The following YEATS4 variants were observed in gnomAD, a reference collection of about 807,000 sequenced individuals.
YEATS4 encodes the protein YEATS domain containing 4, also known as YEATS domain-containing protein 4.
YEATS4 carries 17 observed loss-of-function variants against 30.1 expected under a neutral mutation model. The ratio of observed to expected loss-of-function variants is 0.56; its 90% CI spans 0.39 to 0.85. The LOEUF is 0.85. YEATS4 is among the 40% of genes least tolerant of loss of function. YEATS4 has a pLI of 0.00. For missense variants in YEATS4, 142 were observed against 268.3 expected, an observed-to-expected ratio of 0.53 and a Z score of 3.29; for synonymous variants, 85 against 87.5, an observed-to-expected ratio of 0.97 and a Z score of 0.16.
chr12:69,380,066 A>C (rs1876015688), intron 6 of YEATS4, among the ~76,000 whole-genome samples: 1 of 152,228 alleles, frequency 6.6e-6, no homozygotes, highest in Non-Finnish European at 1.5e-5. Flanking sequence ...CTGAAAGGTC[A>C]CATATCTCTG....
downstream of YEATS4, among the ~76,000 whole-genome samples, chr12:69,395,814 G>A (rs139982581): frequency 3.1e-3 from 468 of 152,236 alleles, 1 homozygote; most frequent in South Asian, 0.026. Context: ...AGGGACTTAC[G>A]GGTAAGGTCC....
the YEATS4 span, among the ~76,000 whole-genome samples, chr12:69,424,166 A>G: frequency 2.0e-5 from 3 of 152,246 alleles, no homozygotes; most frequent in Admixed American, 6.5e-5. Flanking sequence ...TGAGATGGCC[A>G]GCTTTGAACT....
At chr12:69,382,284 A>G (rs1039977468) in intron 6 of YEATS4, among the ~76,000 whole-genome samples, 1 of 152,174 alleles carries the variant, frequency 6.6e-6, no homozygotes, top group African/African-American at 2.4e-5. Context: ...CCTTAAGGGC[A>G]CTGAGTTTCC....
the YEATS4 span, among the ~76,000 whole-genome samples, chr12:69,419,726 T>C: frequency 6.6e-6 from 1 of 152,158 alleles, no homozygotes; most frequent in Non-Finnish European, 1.5e-5. Flanking sequence ...CAGTCCCTAC[T>C]CTCAAAGAGC....
chr12:69,399,481 GAC>G, the YEATS4 span, among the ~76,000 whole-genome samples: 2 of 152,274 alleles, frequency 1.3e-5, no homozygotes, highest in African/African-American at 4.8e-5. Context: ...CAATAAAAGA[GAC>G]AGACAATAGT....
chr12:69,361,527 G>A (rs1253332766), intron 1 of YEATS4: 4 of 152,360 alleles, frequency 2.6e-5, no homozygotes, highest in African/African-American at 9.7e-5. Context: ...CCGACCTCGG[G>A]TGATCTGCCC....
intron 2 of YEATS4, among the ~76,000 whole-genome samples, chr12:69,365,012 A>G (rs1252494525): frequency 1.3e-5 from 2 of 152,210 alleles, no homozygotes; most frequent in African/African-American, 4.8e-5. Flanking sequence ...TTAATGGAAA[A>G]AAATCAAAAT....
chr12:69,405,732 G>A, the YEATS4 span, among the ~76,000 whole-genome samples: 1 of 152,194 alleles, frequency 6.6e-6, no homozygotes, highest in African/African-American at 2.4e-5. Context: ...GGAACTGCAA[G>A]AGATTCCATC....
rs1272427777 is a variant in YEATS4 at position 69,387,414 on chromosome 12, T to A, written c.515-2733T>A. 4.6e-5 allele frequency among the ~76,000 whole-genome samples: 7 copies of A among 152,332 alleles called. No individual in the cohort carries two copies. In the East Asian group the frequency reaches 1.2e-3, roughly 25 times the overall value. ...ATGTTCTTCCAGAATTACAAGTACA[T>A]ATATATTCTATAACAGTTCCATTTC... On this transcript the variant is annotated intron_variant, in intron 6 of 6. Transcript: ENST00000247843.
chr12:69,396,136 C>T, the YEATS4 span, among the ~76,000 whole-genome samples: 8 of 152,210 alleles, frequency 5.3e-5, no homozygotes, highest in Non-Finnish European at 1.2e-4. Context: ...GTTCTCTACC[C>T]TCAACACGGC....
At chr12:69,412,387 C>T in the YEATS4 span, among the ~76,000 whole-genome samples, 3 of 152,128 alleles carry the variant, frequency 2.0e-5, no homozygotes, top group African/African-American at 7.2e-5. Context: ...CGCGGTGGCT[C>T]ACACCTTTAA....
the YEATS4 span, among the ~76,000 whole-genome samples, chr12:69,415,930 A>T: frequency 6.6e-6 from 1 of 152,220 alleles, no homozygotes; most frequent in Non-Finnish European, 1.5e-5. Context: ...ACTCTGAAGA[A>T]TTCCTGTGAA....
chr12:69,381,719 C>T (rs1463482616), intron 6 of YEATS4, among the ~76,000 whole-genome samples: 2 of 152,158 alleles, frequency 1.3e-5, no homozygotes, highest in East Asian at 3.8e-4. Context: ...AATTTATGTT[C>T]TTCTGCCATG....
At chr12:69,379,900 C>CAT (rs932646538) in intron 6 of YEATS4, among the ~76,000 whole-genome samples, 10 of 152,114 alleles carry the variant, frequency 6.6e-5, no homozygotes, top group Non-Finnish European at 1.2e-4. Flanking sequence ...TGCATTCTTC[C>CAT]ATATGTCAGT....
the YEATS4 span, among the ~76,000 whole-genome samples, chr12:69,405,013 G>A: frequency 6.6e-6 from 1 of 152,232 alleles, no homozygotes; most frequent in Non-Finnish European, 1.5e-5. Flanking sequence ...AAGAAGCAGA[G>A]AGAGAGAGGA....
intron 6 of YEATS4, among the ~76,000 whole-genome samples, chr12:69,378,234 T>G: frequency 6.6e-6 from 1 of 152,230 alleles, no homozygotes; most frequent in East Asian, 1.9e-4. Context: ...TCCCTTTATT[T>G]TCAGTCTACG....
At chr12:69,375,495 CG>C (rs1247523441) in intron 6 of YEATS4, among the ~76,000 whole-genome samples, 1 of 151,436 alleles carries the variant, frequency 6.6e-6, no homozygotes, top group East Asian at 1.9e-4. Flanking sequence ...ACTTCCTAGA[CG>C]GGGTGGCGGC....
At chr12:69,395,073 A>G (rs573649319), downstream of YEATS4, among the ~76,000 whole-genome samples, 1 of 152,306 alleles carries the variant, frequency 6.6e-6, no homozygotes, top group Admixed American at 6.5e-5. Flanking sequence ...ATGTTTTCAG[A>G]GGATAATTTA....
intron 6 of YEATS4, among the ~76,000 whole-genome samples, chr12:69,378,618 A>G (rs184790150): frequency 9.2e-5 from 14 of 152,344 alleles, no homozygotes; most frequent in Admixed American, 5.2e-4. Flanking sequence ...ACAGCTTAAC[A>G]CTGATTGCAT....
Sources: allele counts gnomAD v4.1 joint callset (sites outside exome capture counted in the v4.1 genomes callset), GRCh38; gene constraint gnomAD v4.1.1; transcripts MANE v1.5; gene names NCBI Gene and HGNC (gene_info 2026-07-23, HGNC 2026-07-21).